Variants in CHST15 observed in about 807,000 individuals in gnomAD.
CHST15 encodes the protein B cell RAG associated protein (GALNAC4S-6ST).
A neutral mutation model predicts 53.6 loss-of-function variants in CHST15; 30 were observed. The observed-to-expected ratio is 0.56, with a 90% confidence interval of 0.42 to 0.76. CHST15 has a LOEUF of 0.76. Among genes scored for constraint, CHST15 ranks in the 30% least tolerant of loss-of-function variants. The probability of loss-of-function intolerance (pLI) is 0.00; values close to 1 mark genes in which losing one functional copy is unlikely to be tolerated. For missense variants in CHST15, 627 were observed against 740.5 expected (o/e 0.85, Z 1.78); for synonymous variants, 296 against 289.8 (o/e 1.02, Z -0.22).
rs1946925466 is a variant in CHST15, at chr10:124,024,621, C to T, written c.1191-3209G>A. Among the ~76,000 whole-genome samples, 1 of 152,226 alleles carries T rather than the reference C, an allele frequency of 6.6e-6. No individual in the cohort carries two copies. Among genetic ancestry groups the T allele is most frequent in the Admixed American group, 6.5e-5 (1 of 15,294 alleles). On this transcript the variant is annotated intron_variant, in intron 5 of 7. Coordinates refer to ENST00000435907, the MANE Select transcript of CHST15 (RefSeq NM_001270764.2). The surrounding 1 kb of genome is among the most constrained non-coding windows in gnomAD (Gnocchi z 4.0). ...CACCACATCAGCTTATTACTGGTGT[C>T]CCCAACATCACCTGTGCTATTTTCC...
chr10:124,058,498 G>A (rs1368357924), intron 1 of CHST15, among the ~76,000 whole-genome samples: 10 of 152,286 alleles, frequency 6.6e-5, no homozygotes, highest in Admixed American at 1.3e-4. Context: ...AAATCCAACC[G>A]CTGGTCTGTG....
At chr10:124,011,583 C>A (rs939316660) in intron 7 of CHST15, 42 of 985,338 alleles carry the variant, frequency 4.3e-5, no homozygotes, top group Middle Eastern at 5.2e-4. Flanking sequence ...GCCTGCTCAG[C>A]CTTTCAAGCC....
intron 5 of CHST15, among the ~76,000 whole-genome samples, chr10:124,022,615 C>T (rs1946828566): frequency 6.6e-6 from 1 of 152,204 alleles, no homozygotes; most frequent in African/African-American, 2.4e-5. Context: ...AATCCCCCAC[C>T]CTTGGTTAAC....
At chr10:124,038,811 C>T (rs1947623595) in intron 4 of CHST15, 140 bp from the exon 5 acceptor site, 2 of 808,668 alleles carry the variant, frequency 2.5e-6, no homozygotes, top group South Asian at 3.5e-5. Context: ...CCTTTGCGGG[C>T]ATCTGGGACT....
At chr10:124,010,377 CAT>C in intron 7 of CHST15, 38 bp from the exon 8 acceptor site, 1 of 1,509,272 alleles carries the variant, frequency 6.6e-7, no homozygotes, top group South Asian at 1.3e-5. Context: ...AGGCAGGAGG[CAT>C]GGCAGGAAGT....
chr10:124,042,347 C>T lies in CHST15; in HGVS notation c.987G>A (p.Gln329=). 3.1e-6 allele frequency: 5 copies of T among 1,614,200 alleles called. No individual in the cohort carries two copies. The highest frequency in any genetic ancestry group is 4.2e-6 in the Non-Finnish European group (5 of 1,180,022). Reference sequence around the variant, plus strand: ...TGCTCTGCTCCTTTGCAGAGCTGGCCTGCAGTCCTTGATGGATCTGGTGTG... The same window carrying T: ...TGCTCTGCTCCTTTGCAGAGCTGGCTTGCAGTCCTTGATGGATCTGGTGTG... ...LAAHQIHQGL[Q]ASSAKEQSKM... is the part of the protein sequence containing the mutation. The change falls in exon 4 of 8, where the codon CAG becomes CAA. Residue 329 remains glutamine, a synonymous_variant. Coordinates refer to ENST00000435907, the MANE Select transcript of CHST15 (RefSeq NM_001270764.2).
In CHST15 at chr10:124,009,713, G is replaced by C; in HGVS notation, c.*436C>G. On this transcript the variant is annotated 3_prime_UTR_variant, in exon 8 of 8. Transcript: ENST00000435907. Reference sequence around the variant, plus strand: ...CACGGCGAGACCCCATCTCTAGGGGGAAAAAAAGGGAACGTGAAGTGTAAG... The same window carrying C: ...CACGGCGAGACCCCATCTCTAGGGGCAAAAAAAGGGAACGTGAAGTGTAAG... 1 of 1,024,696 alleles carries C rather than the reference G, an allele frequency of 9.8e-7. No individual in the cohort carries two copies. The highest frequency in any genetic ancestry group is 1.2e-6 in the Non-Finnish European group (1 of 852,936). The allele number at this position is 1,024,696 out of a possible 1,614,324, so 63.5% of individuals were successfully genotyped here. A position where few individuals can be genotyped will look rare whatever the true frequency, so the allele number is the denominator to read the frequency against.
At chr10:124,072,873 T>C (rs565212820) in intron 1 of CHST15, among the ~76,000 whole-genome samples, 13 of 152,204 alleles carry the variant, frequency 8.5e-5, no homozygotes, top group African/African-American at 3.1e-4. Flanking sequence ...GTGCACCCAT[T>C]CAATGCAAAA....
rs961678049 is a variant in CHST15, at chr10:124,024,759, G to A, written c.1191-3347C>T. 5.3e-5 allele frequency among the ~76,000 whole-genome samples: 8 copies of A among 152,170 alleles called. No individual in the cohort carries two copies. Among genetic ancestry groups the A allele is most frequent in the African/African-American group, 1.9e-4 (8 of 41,436 alleles). Reference sequence around the variant, plus strand: ...GTCAATAAGTGCCAAAATCAGACACGCGTGAACCTTCAAGCAAGGTTTGGC... The same window carrying A: ...GTCAATAAGTGCCAAAATCAGACACACGTGAACCTTCAAGCAAGGTTTGGC... On this transcript the variant is annotated intron_variant, in intron 5 of 7. Transcript: ENST00000435907. This position sits in a 1 kb window ranked among gnomAD's most constrained non-coding sequence, Gnocchi z 4.0.
intron 1 of CHST15, among the ~76,000 whole-genome samples, chr10:124,078,717 C>CA (rs1201078556): frequency 6.6e-6 from 1 of 152,162 alleles, no homozygotes; most frequent in Admixed American, 6.5e-5. Context: ...AGACAAACAA[C>CA]AATGCTAAAG....
At chr10:124,035,150 C>CGGGGACCCCGGCTCCGCCCCCTAAT (rs1947422376) in intron 5 of CHST15, among the ~76,000 whole-genome samples, 8 of 136,454 alleles carry the variant, frequency 5.9e-5, no homozygotes, top group Non-Finnish European at 1.2e-4. Context: ...CGCCCCCTAA[C>CGGGGACCCCGGCTCCGCCCCCTAAT]GGGGACCCCG....
chr10:124,075,427 C>CT (rs1949043022), intron 1 of CHST15, among the ~76,000 whole-genome samples: 1 of 152,188 alleles, frequency 6.6e-6, no homozygotes, highest in Non-Finnish European at 1.5e-5. Context: ...GGCCCATCGA[C>CT]TTGTGACAAT....
rs1200004953 is a variant in CHST15 at position 124,029,814 on chromosome 10, G to A, written c.1191-8402C>T. Among the ~76,000 whole-genome samples the A allele has an allele frequency of 3.3e-5, 5 of 152,168 alleles. 1 individual carries two copies. The highest frequency in any genetic ancestry group is 4.8e-5 in the African/African-American group (2 of 41,440). On this transcript the variant is annotated intron_variant, in intron 5 of 7. Coordinates refer to ENST00000435907, the MANE Select transcript of CHST15 (RefSeq NM_001270764.2). The stretch of plus-strand genomic sequence containing the variant: ...TGCTGCCACCCCCTCCTTCAACAGC[G>A]TCAACCTCACTAAGCAGCCCAGAAC...
Position 124,008,309 on chromosome 10 carries a change from C to A in CHST15, c.*1840G>T. ...GAGCCTCATTAGCAACTGAACAGAA[C>A]CCACTCAGAAGACGCACTCACCCAC... On this transcript the variant is annotated 3_prime_UTR_variant, in exon 8 of 8. Transcript: ENST00000435907. 1.8e-6 allele frequency: 2 copies of A among 1,120,352 alleles called. No individual in the cohort carries two copies. Among genetic ancestry groups the A allele is most frequent in the Non-Finnish European group, 2.2e-6 (2 of 918,490 alleles). The allele number at this position is 1,120,352 out of a possible 1,614,324, so 69.4% of individuals were successfully genotyped here.
intron 5 of CHST15, among the ~76,000 whole-genome samples, chr10:124,032,735 T>C (rs1947270617): frequency 6.6e-6 from 1 of 151,344 alleles, no homozygotes; most frequent in East Asian, 1.9e-4. Context: ...AACTGGAACA[T>C]GAATTCTTGG....
intron 1 of CHST15, among the ~76,000 whole-genome samples, chr10:124,079,648 G>C (rs1430158941): frequency 6.6e-6 from 1 of 152,180 alleles, no homozygotes; most frequent in African/African-American, 2.4e-5. Flanking sequence ...CCAACAGGAG[G>C]GCCCTCAAGA....
intron 1 of CHST15, among the ~76,000 whole-genome samples, chr10:124,091,489 C>A (rs956922617): frequency 1.3e-5 from 2 of 152,302 alleles, no homozygotes; most frequent in African/African-American, 4.8e-5. Flanking sequence ...TGCCCCAACG[C>A]TGGGTGGCTA....
chr10:124,018,449 C>T (rs1269192805), intron 6 of CHST15, among the ~76,000 whole-genome samples: 1 of 152,202 alleles, frequency 6.6e-6, no homozygotes, highest in Non-Finnish European at 1.5e-5. Flanking sequence ...CTCGGAGCCA[C>T]GAATCCCTGT....
chr10:124,089,014 A>C (rs1949525100), intron 1 of CHST15, among the ~76,000 whole-genome samples: 1 of 152,198 alleles, frequency 6.6e-6, no homozygotes, highest in African/African-American at 2.4e-5. Context: ...AGACCCTCAT[A>C]CTGCAGGCCA....
Sources: gnomAD v4.1 joint callset for allele counts (sites outside exome capture counted in the v4.1 genomes callset) on GRCh38, gnomAD v4.1.1 for gene constraint, Gnocchi (gnomAD v3.1) non-coding constraint, MANE v1.5 for transcripts, NCBI Gene and HGNC (gene_info 2026-07-23, HGNC 2026-07-21) for gene names.